CDC42BPA: variants seen among roughly 807,000 people sequenced by gnomAD.
CDC42BPA encodes the protein CDC42 binding protein kinase alpha, also known as serine/threonine-protein kinase MRCK alpha.
In CDC42BPA, 80 loss-of-function variants were observed where a neutral mutation model predicts 223.5. That is an observed-to-expected ratio of 0.36 (90% CI 0.30 to 0.43). CDC42BPA has a LOEUF of 0.43. Among genes scored for constraint, CDC42BPA ranks in the 20% least tolerant of loss-of-function variants. The probability of loss-of-function intolerance (pLI) is 1.00; values close to 1 mark genes in which losing one functional copy is unlikely to be tolerated. For missense variants in CDC42BPA, 1,743 were observed against 2,099.9 expected, an observed-to-expected ratio of 0.83 and a Z score of 3.32; for synonymous variants, 694 against 718.6, an observed-to-expected ratio of 0.97 and a Z score of 0.55.
intron 34 of CDC42BPA, chr1:227,011,142 G>T (rs577007944): frequency 7.2e-6 from 5 of 691,138 alleles, no homozygotes; most frequent in Non-Finnish European, 8.4e-6. Context: ...CATGCACACA[G>T]AACAAATGGA....
chr1:227,173,565 T>C (rs1006912083), intron 5 of CDC42BPA, among the ~76,000 whole-genome samples: 1 of 151,436 alleles, frequency 6.6e-6, no homozygotes, highest in African/African-American at 2.4e-5. Context: ...AGGCAGTAAG[T>C]AATTGAGGCC....
intron 23 of CDC42BPA, 100 bp from the exon 24 acceptor site, chr1:227,040,336 A>C (rs10495270): frequency 0.11 from 75,165 of 690,264 alleles, 5,006 homozygotes; most frequent in Middle Eastern, 0.15. Context: ...TTTTCTAAAT[A>C]GGAATAGAAT....
intron 20 of CDC42BPA, among the ~76,000 whole-genome samples, chr1:227,070,899 G>A (rs529166666): frequency 6.6e-6 from 1 of 151,894 alleles, no homozygotes; most frequent in Non-Finnish European, 1.5e-5. Flanking sequence ...ATGTCATCTG[G>A]CGTGCAAGTC....
Position 227,061,906 on chromosome 1 carries a change from T to C in CDC42BPA, c.2904+7871A>G, listed in dbSNP as rs141592377. 2.8e-3 allele frequency among the ~76,000 whole-genome samples: 427 copies of C among 152,324 alleles called. 3 individuals are homozygous for C. Among genetic ancestry groups the C allele is most frequent in the African/African-American group, 9.9e-3 (413 of 41,580 alleles). On this transcript the variant is annotated intron_variant, in intron 21 of 36. Transcript: ENST00000366766. Reference sequence around the variant, plus strand: ...AATCTCTGTTGCCAGTCCACTCCTCTTCCTTAAACTCCTGACGCATATATT... The same window carrying C: ...AATCTCTGTTGCCAGTCCACTCCTCCTCCTTAAACTCCTGACGCATATATT...
chr1:227,142,624 C>CA (rs1659897519), intron 9 of CDC42BPA, among the ~76,000 whole-genome samples: 1 of 147,920 alleles, frequency 6.8e-6, no homozygotes, highest in African/African-American at 2.5e-5. Context: ...ACTATGTTAA[C>CA]TTTTTTTTTT....
chr1:227,187,402 G>C (rs61834563), intron 5 of CDC42BPA, among the ~76,000 whole-genome samples: 29,307 of 150,536 alleles, frequency 0.19, 3,019 homozygotes, highest in African/African-American at 0.25. Context: ...CTCATTAGTA[G>C]ACTAGACACC....
At chr1:227,234,838 T>C (rs375902981) in intron 2 of CDC42BPA, 2 of 152,158 alleles carry the variant, frequency 1.3e-5, no homozygotes, top group Admixed American at 6.5e-5. Context: ...ACAGGCCGCA[T>C]GTGGCCCAGA....
chr1:227,010,036 A>G (rs1231650091), intron 34 of CDC42BPA, among the ~76,000 whole-genome samples: 1 of 152,168 alleles, frequency 6.6e-6, no homozygotes, highest in Admixed American at 6.5e-5. Flanking sequence ...CAATATAAAC[A>G]TTTTATTACC....
At chr1:227,141,305 G>A (rs115332333) in intron 9 of CDC42BPA, among the ~76,000 whole-genome samples, 9,117 of 152,248 alleles carry the variant, frequency 0.06, 284 homozygotes, top group Non-Finnish European at 0.073. Context: ...TTGATAAGAG[G>A]TAAAGGAAGA....
At chr1:227,109,540 A>AT (rs1428950893) in intron 14 of CDC42BPA, among the ~76,000 whole-genome samples, 1 of 151,848 alleles carries the variant, frequency 6.6e-6, no homozygotes, top group African/African-American at 2.4e-5. Flanking sequence ...TAATTTTTGT[A>AT]TTTTTAGTAG....
At chr1:227,277,048 G>A (rs1222631348) in intron 1 of CDC42BPA, among the ~76,000 whole-genome samples, 5 of 139,468 alleles carry the variant, frequency 3.6e-5, no homozygotes, top group Admixed American at 1.5e-4. Context: ...CCCCCTCTCC[G>A]AGAAACACCC....
At chr1:227,301,844 CATA>C (rs1051181027) in intron 1 of CDC42BPA, among the ~76,000 whole-genome samples, 9 of 152,108 alleles carry the variant, frequency 5.9e-5, no homozygotes, top group African/African-American at 2.2e-4. Context: ...ATGGTTACAG[CATA>C]ATTTTAGTTA....
intron 14 of CDC42BPA, among the ~76,000 whole-genome samples, chr1:227,106,158 A>G (rs1420058604): frequency 6.6e-6 from 1 of 151,704 alleles, no homozygotes; most frequent in African/African-American, 2.4e-5. Context: ...GTGGTATCTC[A>G]TTTTGGTTTT....
chr1:227,155,418 C>G (rs1662561825), intron 6 of CDC42BPA, among the ~76,000 whole-genome samples: 1 of 152,130 alleles, frequency 6.6e-6, no homozygotes. Context: ...CCAATGGAAC[C>G]TTCCTCAGGC....
At chr1:227,067,002 C>T (rs1053729830) in intron 21 of CDC42BPA, among the ~76,000 whole-genome samples, 5 of 152,008 alleles carry the variant, frequency 3.3e-5, no homozygotes, top group African/African-American at 1.2e-4. Flanking sequence ...GGAAATCATG[C>T]CTTTTAGGAG....
chr1:227,238,266 G>C (rs1377340117), intron 2 of CDC42BPA, among the ~76,000 whole-genome samples: 1 of 151,350 alleles, frequency 6.6e-6, no homozygotes, highest in Non-Finnish European at 1.5e-5. Context: ...GGCTGAGTGG[G>C]AAGATAGCTT....
chr1:227,160,428 A>G, intron 6 of CDC42BPA, 115 bp downstream of exon 6: 1 of 752,430 alleles, frequency 1.3e-6, no homozygotes, highest in South Asian at 1.6e-5. Context: ...GCATAGATAG[A>G]CAAATGGATG....
chr1:227,297,104 T>C (rs1170169532), intron 1 of CDC42BPA, among the ~76,000 whole-genome samples: 1 of 152,184 alleles, frequency 6.6e-6, no homozygotes, highest in Non-Finnish European at 1.5e-5. Context: ...CTAAAAATAG[T>C]CTATCTTTTA....
At chr1:227,036,489 T>C (rs1308188516) in intron 24 of CDC42BPA, among the ~76,000 whole-genome samples, 1 of 139,616 alleles carries the variant, frequency 7.2e-6, no homozygotes, top group Non-Finnish European at 1.5e-5. Flanking sequence ...AGTGCGGTGG[T>C]GCAATCTCGG....
Sources: gnomAD v4.1 joint callset for allele counts (sites outside exome capture counted in the v4.1 genomes callset) on GRCh38, gnomAD v4.1.1 for gene constraint, MANE v1.5 for transcripts, NCBI Gene and HGNC (gene_info 2026-07-23, HGNC 2026-07-21) for gene names.